Variants in SGCZ observed in about 807,000 individuals in gnomAD.
SGCZ encodes zeta-sarcoglycan.
SGCZ carries 40 observed loss-of-function variants against 41.3 expected under a neutral mutation model. The observed-to-expected ratio is 0.97, with a 90% CI of 0.75 to 1.26. The LOEUF is 1.26. Ranked by LOEUF, SGCZ falls within the 50% of genes most tolerant of loss-of-function variation. The pLI is 0.00. For missense variants in SGCZ, 552 were observed against 369.8 expected (o/e 1.49, Z -4.04); for synonymous variants, 206 against 137.5 (o/e 1.50, Z -3.49).
Position 14,103,219 on chromosome 8 carries a change from ACAGT to A in SGCZ, c.621-724_621-721del, listed in dbSNP as rs942364001. 6.0e-4 allele frequency among the ~76,000 whole-genome samples: 92 copies of A among 152,210 alleles called. 2 individuals are homozygous for A. The highest frequency in any genetic ancestry group is 1.5e-4 in the Non-Finnish European group (10 of 68,038). On this transcript the variant is annotated intron_variant, in intron 6 of 7. Coordinates refer to ENST00000382080, the MANE Select transcript of SGCZ (RefSeq NM_139167.4). ...GGAGGGCAAGAAACAAGTGTTTTAG[ACAGT>A]CAGAGTTGGGAGGCAGTTTTCAAAC...
At chr8:14,951,598 G>A (rs1800639252) in intron 1 of SGCZ, among the ~76,000 whole-genome samples, 1 of 151,928 alleles carries the variant, frequency 6.6e-6, no homozygotes, top group Admixed American at 6.6e-5. Context: ...ATCACAGCTG[G>A]TTCAACGTCT....
At chr8:14,552,223 T>C (rs1353092790) in intron 2 of SGCZ, among the ~76,000 whole-genome samples, 2 of 152,064 alleles carry the variant, frequency 1.3e-5, no homozygotes, top group African/African-American at 2.4e-5. Flanking sequence ...TTACAAATTA[T>C]TTCACACCCT....
At chr8:14,676,769 T>G (rs1477943639) in intron 1 of SGCZ, among the ~76,000 whole-genome samples, 1 of 152,082 alleles carries the variant, frequency 6.6e-6, no homozygotes, top group Non-Finnish European at 1.5e-5. Context: ...CAACACCTGT[T>G]AGTGAAATGA....
chr8:14,135,473 C>T (rs1170934003), intron 5 of SGCZ, among the ~76,000 whole-genome samples: 1 of 151,960 alleles, frequency 6.6e-6, no homozygotes, highest in Non-Finnish European at 1.5e-5. Flanking sequence ...GGGCTTTCTC[C>T]CAGATGAGTG....
chr8:14,758,654 T>C (rs952681343), intron 1 of SGCZ, among the ~76,000 whole-genome samples: 4 of 152,190 alleles, frequency 2.6e-5, no homozygotes, highest in African/African-American at 7.2e-5. Flanking sequence ...AGTCAAATAA[T>C]ATTTCAAATA....
At chr8:14,795,908 A>C (rs1163823970) in intron 1 of SGCZ, among the ~76,000 whole-genome samples, 1 of 152,110 alleles carries the variant, frequency 6.6e-6, no homozygotes, top group East Asian at 1.9e-4. Flanking sequence ...TCCCACTTAC[A>C]AGTGAGAACA....
chr8:14,644,891 T>C (rs540499534), intron 1 of SGCZ, among the ~76,000 whole-genome samples: 3 of 151,636 alleles, frequency 2.0e-5, no homozygotes, highest in Admixed American at 1.3e-4. Context: ...TTCTCACTGA[T>C]TCAGATGCCA....
At chr8:14,280,945 G>GT (rs67992912) in intron 3 of SGCZ, among the ~76,000 whole-genome samples, 104,405 of 151,216 alleles carry the variant, frequency 0.69, 36,278 homozygotes, top group Admixed American at 0.72. Context: ...GAATAAAAGT[G>GT]TTTTTTCTAA....
intron 3 of SGCZ, chr8:14,308,904 C>A (rs1801432917): frequency 4.4e-6 from 2 of 457,804 alleles, no homozygotes; most frequent in Admixed American, 7.6e-5. Flanking sequence ...CAAAGAAATA[C>A]ATTTTCTTAA....
chr8:14,129,119 G>T (rs1426310614), intron 5 of SGCZ, among the ~76,000 whole-genome samples: 2 of 151,924 alleles, frequency 1.3e-5, no homozygotes, highest in African/African-American at 2.4e-5. Flanking sequence ...GGCCGAGGTG[G>T]GTGGATCACC....
chr8:15,074,052 G>A (rs894082632), intron 1 of SGCZ, among the ~76,000 whole-genome samples: 4 of 152,114 alleles, frequency 2.6e-5, no homozygotes, highest in Non-Finnish European at 5.9e-5. Flanking sequence ...AAAGTAACAC[G>A]AGTAACGATG....
intron 4 of SGCZ, among the ~76,000 whole-genome samples, chr8:14,208,948 T>C (rs1250563533): frequency 6.6e-6 from 1 of 152,118 alleles, no homozygotes; most frequent in African/African-American, 2.4e-5. Flanking sequence ...AAAAGCAGCC[T>C]GTAAAATCAA....
intron 1 of SGCZ, among the ~76,000 whole-genome samples, chr8:14,835,278 C>T (rs559650439): frequency 4.6e-5 from 7 of 152,058 alleles, no homozygotes; most frequent in Non-Finnish European, 7.3e-5. Flanking sequence ...TGCGAACTAA[C>T]CTGACCTATT....
At chr8:14,437,248 G>A (rs940582982) in intron 2 of SGCZ, among the ~76,000 whole-genome samples, 11 of 152,162 alleles carry the variant, frequency 7.2e-5, no homozygotes, top group African/African-American at 1.4e-4. Flanking sequence ...GGATTTTAAC[G>A]AAACCAATTC....
At chr8:14,829,801 A>C (rs889867122) in intron 1 of SGCZ, among the ~76,000 whole-genome samples, 7 of 151,822 alleles carry the variant, frequency 4.6e-5, no homozygotes, top group Non-Finnish European at 8.8e-5. Context: ...GTTCCCTAAC[A>C]TGTTTTGTTT....
At chr8:14,949,636 A>T (rs1476273997) in intron 1 of SGCZ, among the ~76,000 whole-genome samples, 3 of 152,118 alleles carry the variant, frequency 2.0e-5, no homozygotes, top group Non-Finnish European at 2.9e-5. Flanking sequence ...TATTTTGTGA[A>T]TTCTGGAGGT....
chr8:15,132,529 A>G (rs1807949842), intron 1 of SGCZ, among the ~76,000 whole-genome samples: 1 of 152,216 alleles, frequency 6.6e-6, no homozygotes, highest in African/African-American at 2.4e-5. Flanking sequence ...ATGAAATCAG[A>G]TTTTTAAATT....
chr8:14,240,051 G>C (rs1036865592), intron 3 of SGCZ, among the ~76,000 whole-genome samples: 1 of 151,918 alleles, frequency 6.6e-6, no homozygotes, highest in South Asian at 2.1e-4. Flanking sequence ...TTTAGTCCGG[G>C]CGTGGTGGCT....
At chr8:14,509,803 A>G (rs1802415961) in intron 2 of SGCZ, among the ~76,000 whole-genome samples, 1 of 152,148 alleles carries the variant, frequency 6.6e-6, no homozygotes, top group Admixed American at 6.6e-5. Flanking sequence ...GCAGAAGGGA[A>G]AACAGTCACA....
Sources: allele counts gnomAD v4.1 joint callset (sites outside exome capture counted in the v4.1 genomes callset), GRCh38; gene constraint gnomAD v4.1.1; transcripts MANE v1.5; gene names NCBI Gene and HGNC (gene_info 2026-07-23, HGNC 2026-07-21).